Variants in GALNT10 observed in about 807,000 individuals in gnomAD.
GALNT10 encodes polypeptide N-acetylgalactosaminyltransferase 10.
In GALNT10, 41 loss-of-function variants were observed where a neutral mutation model predicts 75.0. The observed-to-expected ratio is 0.55, with a 90% CI of 0.43 to 0.71. GALNT10 has a LOEUF of 0.71. Among genes scored for constraint, GALNT10 ranks in the 30% least tolerant of loss-of-function variants. The pLI, the probability that GALNT10 is intolerant of heterozygous loss-of-function variation, is 0.00. For synonymous variants in GALNT10, 302 were observed against 313.0 expected (o/e 0.96, Z 0.37); for missense variants, 727 against 818.5 (o/e 0.89, Z 1.36).
At chr5:154,313,915 C>T (rs10057369) in intron 3 of GALNT10, among the ~76,000 whole-genome samples, 66,816 of 152,000 alleles carry the variant, frequency 0.44, 16,242 homozygotes, top group East Asian at 0.62. Flanking sequence ...TCTGGTGGAG[C>T]TGTCTCTGAC....
rs572003762 is a variant in GALNT10, at chr5:154,414,855, G to A, written c.1504-928G>A. Among the ~76,000 whole-genome samples the A allele has an allele frequency of 1.6e-4, 25 of 152,300 alleles. 1 individual carries two copies. The South Asian group carries it at 2.7e-3, about 16-fold the overall frequency. On this transcript the variant is annotated intron_variant, in intron 10 of 11. Coordinates refer to ENST00000297107, the MANE Select transcript of GALNT10 (RefSeq NM_198321.4). Reference sequence around the variant, plus strand: ...GATAAGAATCCTGAGCAGGCACGGTGGCTCACGCCTGTAATCCCAGCAGTT... The same window carrying A: ...GATAAGAATCCTGAGCAGGCACGGTAGCTCACGCCTGTAATCCCAGCAGTT...
intron 3 of GALNT10, among the ~76,000 whole-genome samples, chr5:154,321,587 G>T (rs543755354): frequency 1.3e-5 from 2 of 152,156 alleles, no homozygotes; most frequent in Non-Finnish European, 2.9e-5. Context: ...GCCTCCCAAA[G>T]TGTTGCGATT....
At chr5:154,259,355 C>T (rs1371343498) in intron 1 of GALNT10, among the ~76,000 whole-genome samples, 2 of 152,176 alleles carry the variant, frequency 1.3e-5, no homozygotes, top group African/African-American at 4.8e-5. Flanking sequence ...TTACCTTCTC[C>T]TTGCATCATA....
intron 1 of GALNT10, among the ~76,000 whole-genome samples, chr5:154,281,122 G>A (rs973655477): frequency 6.6e-6 from 1 of 152,282 alleles, no homozygotes; most frequent in Admixed American, 6.5e-5. Context: ...TTTCTATAAA[G>A]AGTAACTTGA....
chr5:154,243,046 C>T (rs771423667), intron 1 of GALNT10, among the ~76,000 whole-genome samples: 1 of 152,232 alleles, frequency 6.6e-6, no homozygotes, highest in Non-Finnish European at 1.5e-5. Flanking sequence ...AGCTCTGCCA[C>T]TTACTAGCTG....
chr5:154,354,281 T>C (rs1355963654), intron 4 of GALNT10, among the ~76,000 whole-genome samples: 2 of 152,102 alleles, frequency 1.3e-5, no homozygotes, highest in African/African-American at 2.4e-5. Flanking sequence ...GACAGTTTAT[T>C]TGGGGAAGGG....
At chr5:154,248,689 A>G (rs12163989) in intron 1 of GALNT10, among the ~76,000 whole-genome samples, 96,237 of 151,930 alleles carry the variant, frequency 0.63, 31,095 homozygotes, top group East Asian at 0.86. Flanking sequence ...CGTCTATTTG[A>G]TTCTTCTCTC....
At position 154,304,477 on chromosome 5, in the gene GALNT10, C is replaced by A. The variant is rs567206007; in HGVS notation, c.401+6398C>A. ...ATGGTGTAGCAACATCTTTAAAGTA[C>A]AGAAATGTCAGTAAACTATGGTTAG... is the stretch of plus-strand genomic sequence containing the variant. On this transcript the variant is annotated intron_variant, in intron 3 of 11. Transcript: ENST00000297107. Among the ~76,000 whole-genome samples, 6 of 152,048 alleles carry A rather than the reference C, an allele frequency of 3.9e-5. 1 individual carries two copies. The South Asian group carries it at 1.0e-3, about 26-fold the overall frequency.
intron 1 of GALNT10, among the ~76,000 whole-genome samples, chr5:154,191,281 C>G (rs1774854661): frequency 6.6e-6 from 1 of 152,158 alleles, no homozygotes; most frequent in Non-Finnish European, 1.5e-5. Context: ...CTTTCTGTCC[C>G]CGTCTGGTAT....
At chr5:154,257,987 A>G (rs903148985) in intron 1 of GALNT10, among the ~76,000 whole-genome samples, 2 of 152,190 alleles carry the variant, frequency 1.3e-5, no homozygotes, top group Non-Finnish European at 2.9e-5. Flanking sequence ...GTTAAGGTAT[A>G]TGTCAGCAGG....
chr5:154,399,156 G>A (rs1256641062), intron 7 of GALNT10, among the ~76,000 whole-genome samples: 1 of 152,178 alleles, frequency 6.6e-6, no homozygotes, highest in Non-Finnish European at 1.5e-5. Context: ...TGGTATGAGG[G>A]GAGTCAGGCT....
At chr5:154,275,899 G>T (rs153442) in intron 1 of GALNT10, among the ~76,000 whole-genome samples, 16,246 of 152,158 alleles carry the variant, frequency 0.11, 1,183 homozygotes, top group African/African-American at 0.22. Flanking sequence ...AAGTTCAAAG[G>T]CAGAGGATGG....
chr5:154,229,678 A>G (rs1384362612), intron 1 of GALNT10, among the ~76,000 whole-genome samples: 1 of 152,066 alleles, frequency 6.6e-6, no homozygotes. Flanking sequence ...CCTTGCGGTG[A>G]GCCGAGAATG....
At chr5:154,251,545 G>A (rs527714982) in intron 1 of GALNT10, among the ~76,000 whole-genome samples, 64 of 152,096 alleles carry the variant, frequency 4.2e-4, no homozygotes, top group African/African-American at 1.5e-3. Flanking sequence ...CCTCTGGCAA[G>A]AATTAGGGGA....
In GALNT10 at chr5:154,279,285, T is replaced by C. The variant is rs1169720509; in HGVS notation, c.160-15531T>C. ...TATTTAATGCTAGTTTTTGTTGTTG[T>C]TGTTGTTGTTGTTGTTTTGTTTTTT... is the stretch of plus-strand genomic sequence containing the variant. On this transcript the variant is annotated intron_variant, in intron 1 of 11. Transcript: ENST00000297107. Among the ~76,000 whole-genome samples the C allele has an allele frequency of 3.4e-5, 5 of 145,604 alleles. No homozygotes were observed. The South Asian group carries it at 8.7e-4, about 25-fold the overall frequency.
chr5:154,370,497 C>G (rs1289280005), intron 4 of GALNT10, among the ~76,000 whole-genome samples: 1 of 152,102 alleles, frequency 6.6e-6, no homozygotes, highest in Non-Finnish European at 1.5e-5. Flanking sequence ...CAGGAGTTAA[C>G]TGGGAGGAAT....
intron 3 of GALNT10, among the ~76,000 whole-genome samples, chr5:154,315,046 G>A (rs1414494354): frequency 1.3e-5 from 2 of 151,986 alleles, no homozygotes; most frequent in African/African-American, 2.4e-5. Context: ...TCTATGACCT[G>A]GAAGTCCAGG....
intron 1 of GALNT10, among the ~76,000 whole-genome samples, chr5:154,230,545 C>T (rs980126588): frequency 6.6e-6 from 1 of 152,310 alleles, no homozygotes; most frequent in East Asian, 1.9e-4. Flanking sequence ...CTGTGTCTGG[C>T]TTATGAGTAG....
At chr5:154,226,765 C>T (rs1384736195) in intron 1 of GALNT10, among the ~76,000 whole-genome samples, 2 of 152,094 alleles carry the variant, frequency 1.3e-5, no homozygotes, top group Non-Finnish European at 2.9e-5. Context: ...ACATCACCAC[C>T]TCAAGAAAAT....
Sources: gnomAD v4.1 joint callset for allele counts (sites outside exome capture counted in the v4.1 genomes callset) on GRCh38, gnomAD v4.1.1 for gene constraint, MANE v1.5 for transcripts, NCBI Gene and HGNC (gene_info 2026-07-23, HGNC 2026-07-21) for gene names.